Variants in NTNG1 observed in about 807,000 individuals in gnomAD.
NTNG1 encodes netrin G1.
Under a neutral mutation model 54.0 loss-of-function variants are expected in NTNG1, and 16 were observed. The observed-to-expected ratio is 0.30, with a 90% CI of 0.20 to 0.45. The LOEUF is 0.45. Among genes scored for constraint, NTNG1 ranks in the 20% least tolerant of loss-of-function variants. The pLI is 1.00. For missense variants in NTNG1, 530 were observed against 678.7 expected (o/e 0.78, Z 2.43); for synonymous variants, 255 against 263.1 (o/e 0.97, Z 0.30).
intron 5 of NTNG1, chr1:107,410,577 T>C (rs1180801116): frequency 6.6e-6 from 1 of 152,196 alleles, no homozygotes; most frequent in Non-Finnish European, 1.5e-5. Flanking sequence ...AATAAATCTG[T>C]AGCCTTTGAG....
intron 7 of NTNG1, among the ~76,000 whole-genome samples, chr1:107,451,566 C>CTGTCCTCCTACACACTATATCAG (rs1553249265): frequency 2.0e-5 from 3 of 152,128 alleles, no homozygotes; most frequent in Admixed American, 6.6e-5. Flanking sequence ...TTGTAAAGTG[C>CTGTCCTCCTACACACTATATCAG]TGTCCTCCTA....
At chr1:107,395,579 T>C (rs1286460277) in intron 4 of NTNG1, 2 of 660,666 alleles carry the variant, frequency 3.0e-6, no homozygotes, top group African/African-American at 1.8e-5. Context: ...GAAGGAATTT[T>C]TTATAAGTGG....
In NTNG1 at chr1:107,301,281, A is replaced by C. The variant is rs925444918; in HGVS notation, c.247-23001A>C. ...GTTCAAGTTGATACTGGTACTTACC[A>C]CTAACAGTTCACAGTGGCTAAGAGT... On this transcript the variant is annotated intron_variant, in intron 2 of 7. Transcript: ENST00000370068. Among the ~76,000 whole-genome samples, 4 of 152,204 alleles carry C rather than the reference A, an allele frequency of 2.6e-5. No individual in the cohort carries two copies. In the East Asian group the frequency reaches 7.7e-4, roughly 29 times the overall value.
At chr1:107,467,911 G>C (rs72701245) in intron 7 of NTNG1, among the ~76,000 whole-genome samples, 7,952 of 152,172 alleles carry the variant, frequency 0.052, 332 homozygotes, top group Non-Finnish European at 0.077. Context: ...GCACATTCTC[G>C]TGATTCCATA....
At chr1:107,439,996 G>A (rs960346434) in intron 7 of NTNG1, among the ~76,000 whole-genome samples, 1 of 151,760 alleles carries the variant, frequency 6.6e-6, no homozygotes, top group Non-Finnish European at 1.5e-5. Context: ...GCCCTGAGTG[G>A]AACCCATCCT....
At chr1:107,418,150 T>C (rs1363193711) in intron 5 of NTNG1, among the ~76,000 whole-genome samples, 1 of 152,030 alleles carries the variant, frequency 6.6e-6, no homozygotes, top group Non-Finnish European at 1.5e-5. Context: ...CCCCGAAGAA[T>C]CTATCATGAA....
intron 6 of NTNG1, among the ~76,000 whole-genome samples, chr1:107,434,911 C>T (rs1161031667): frequency 6.6e-6 from 1 of 152,086 alleles, no homozygotes; most frequent in Non-Finnish European, 1.5e-5. Flanking sequence ...AAGGCCACAC[C>T]CCTTCTTGTC....
intron 2 of NTNG1, among the ~76,000 whole-genome samples, chr1:107,300,215 T>G (rs1666238979): frequency 6.6e-6 from 1 of 152,184 alleles, no homozygotes; most frequent in Non-Finnish European, 1.5e-5. Context: ...GGTTGCACAC[T>G]GGCAGCTTGC....
chr1:107,393,218 G>C (rs1212250388), intron 3 of NTNG1, among the ~76,000 whole-genome samples: 1 of 152,022 alleles, frequency 6.6e-6, no homozygotes, highest in Non-Finnish European at 1.5e-5. Context: ...CATATTCTTT[G>C]GGATCACATT....
At chr1:107,190,160 A>C (rs1003558580) in intron 2 of NTNG1, among the ~76,000 whole-genome samples, 1 of 152,106 alleles carries the variant, frequency 6.6e-6, no homozygotes, top group Non-Finnish European at 1.5e-5. Flanking sequence ...GACTGAGAGG[A>C]GGGAGGAATG....
chr1:107,197,974 A>C (rs1185710004), intron 2 of NTNG1, among the ~76,000 whole-genome samples: 4 of 152,004 alleles, frequency 2.6e-5, no homozygotes, highest in African/African-American at 4.8e-5. Context: ...ATGATAATGC[A>C]CATTTTTTTC....
At position 107,301,993 on chromosome 1, in the gene NTNG1, G is replaced by T. The variant is rs115573030; in HGVS notation, c.247-22289G>T. Among the ~76,000 whole-genome samples, 331 of 152,046 alleles carry T rather than the reference G, an allele frequency of 2.2e-3. 2 individuals are homozygous for T. The highest frequency in any genetic ancestry group is 3.6e-3 in the Non-Finnish European group (248 of 68,000). On this transcript the variant is annotated intron_variant, in intron 2 of 7. Transcript: ENST00000370068. ...TGCTGTTTGCCAGCTCTTTCCATAG[G>T]GTCTCCACTTAATCCCAGGAAGATC...
chr1:107,308,696 A>C (rs926571138), intron 2 of NTNG1, among the ~76,000 whole-genome samples: 1 of 152,120 alleles, frequency 6.6e-6, no homozygotes, highest in Non-Finnish European at 1.5e-5. Context: ...AAATAATGTC[A>C]CTGGTAGTTT....
chr1:107,181,400 AC>A (rs1657053743), intron 2 of NTNG1, among the ~76,000 whole-genome samples: 1 of 152,178 alleles, frequency 6.6e-6, no homozygotes, highest in Non-Finnish European at 1.5e-5. Flanking sequence ...GGAATTGAGT[AC>A]CTTTTAAGTG....
intron 2 of NTNG1, among the ~76,000 whole-genome samples, chr1:107,290,849 C>T (rs1452945448): frequency 2.0e-5 from 3 of 151,174 alleles, no homozygotes; most frequent in African/African-American, 7.3e-5. Flanking sequence ...GTAAAACCCA[C>T]TCATGTATAT....
chr1:107,363,203 T>C (rs541607089), intron 3 of NTNG1, among the ~76,000 whole-genome samples: 2 of 152,298 alleles, frequency 1.3e-5, no homozygotes, highest in African/African-American at 4.8e-5. Flanking sequence ...GAACATATGA[T>C]GGAGAAATGA....
chr1:107,345,294 G>A (rs970482165), intron 3 of NTNG1, among the ~76,000 whole-genome samples: 6 of 152,244 alleles, frequency 3.9e-5, no homozygotes, highest in South Asian at 2.1e-4. Flanking sequence ...GCTAACATTC[G>A]AAACATTATA....
intron 7 of NTNG1, among the ~76,000 whole-genome samples, chr1:107,455,844 C>T (rs1676923018): frequency 6.6e-6 from 1 of 152,204 alleles, no homozygotes; most frequent in Non-Finnish European, 1.5e-5. Context: ...CTGCCAGTAG[C>T]AGACACCCTG....
chr1:107,274,855 TGCAGCACTGTGTCA>T, intron 2 of NTNG1, among the ~76,000 whole-genome samples: 1 of 152,348 alleles, frequency 6.6e-6, no homozygotes, highest in South Asian at 2.1e-4. Context: ...CTATAATGGT[TGCAGCACTGTGTCA>T]GCTTAGACAC....
Sources: allele counts gnomAD v4.1 joint callset (sites outside exome capture counted in the v4.1 genomes callset), GRCh38; gene constraint gnomAD v4.1.1; transcripts MANE v1.5; gene names NCBI Gene and HGNC (gene_info 2026-07-23, HGNC 2026-07-21).